Variants in SRPK2 observed in about 807,000 individuals in gnomAD.
SRPK2 encodes the protein SRSF protein kinase 2.
A neutral mutation model predicts 90.8 loss-of-function variants in SRPK2; 21 were observed. That is an observed-to-expected ratio of 0.23 (90% CI 0.16 to 0.33). The LOEUF is 0.33. SRPK2 is among the 10% of genes least tolerant of loss of function. SRPK2 has a pLI of 1.00. For synonymous variants in SRPK2, 288 were observed against 311.1 expected (o/e 0.93, Z 0.78); for missense variants, 620 against 869.0 (o/e 0.71, Z 3.60).
intron 2 of SRPK2, among the ~76,000 whole-genome samples, chr7:105,270,327 G>A (rs1175141642): frequency 6.6e-6 from 1 of 151,986 alleles, no homozygotes; most frequent in Non-Finnish European, 1.5e-5. Context: ...TGAGCCCTCA[G>A]CAGGGCCCCT....
intron 2 of SRPK2, among the ~76,000 whole-genome samples, chr7:105,311,876 G>C (rs534643318): frequency 6.6e-6 from 1 of 152,210 alleles, no homozygotes; most frequent in East Asian, 1.9e-4. Flanking sequence ...ATATTCAAAA[G>C]AAAGAAAACA....
At chr7:105,247,596 A>C (rs1443592257) in intron 2 of SRPK2, among the ~76,000 whole-genome samples, 1 of 150,924 alleles carries the variant, frequency 6.6e-6, no homozygotes, top group Admixed American at 6.6e-5. Context: ...TTAATTGTTC[A>C]AAGTTTTTAA....
chr7:105,357,261 G>A (rs1329828327), intron 2 of SRPK2, among the ~76,000 whole-genome samples: 2 of 151,894 alleles, frequency 1.3e-5, no homozygotes, highest in Admixed American at 6.6e-5. Context: ...GGATGGTCTC[G>A]ATCTCCTGAC....
intron 2 of SRPK2, among the ~76,000 whole-genome samples, chr7:105,315,538 G>A (rs539751618): frequency 1.3e-5 from 2 of 152,162 alleles, no homozygotes; most frequent in African/African-American, 2.4e-5. Flanking sequence ...AGGACTTGCT[G>A]CCAGGCAAAC....
intron 15 of SRPK2, among the ~76,000 whole-genome samples, chr7:105,122,755 T>G (rs953444746): frequency 4.6e-5 from 7 of 152,092 alleles, no homozygotes; most frequent in African/African-American, 1.7e-4. Context: ...CTTCTTGCTT[T>G]TGAAATTTTC....
chr7:105,279,716 T>C (rs901066153), intron 2 of SRPK2, among the ~76,000 whole-genome samples: 1 of 152,256 alleles, frequency 6.6e-6, no homozygotes, highest in African/African-American at 2.4e-5. Context: ...CAATGAAATG[T>C]GGTGAAACCA....
At chr7:105,294,438 A>G (rs901465107) in intron 2 of SRPK2, among the ~76,000 whole-genome samples, 6 of 152,184 alleles carry the variant, frequency 3.9e-5, no homozygotes, top group Non-Finnish European at 7.3e-5. Flanking sequence ...GTTCCTTTAA[A>G]GGCTACCATC....
chr7:105,296,356 C>T (rs374524539), intron 2 of SRPK2, among the ~76,000 whole-genome samples: 1 of 152,238 alleles, frequency 6.6e-6, no homozygotes, highest in African/African-American at 2.4e-5. Flanking sequence ...CCTTCCTAGC[C>T]TCCTAACTTA....
chr7:105,364,290 T>C (rs1818764551), intron 2 of SRPK2, among the ~76,000 whole-genome samples: 1 of 152,160 alleles, frequency 6.6e-6, no homozygotes, highest in Non-Finnish European at 1.5e-5. Context: ...TTCATTGCTT[T>C]TTCTGTAACA....
intron 15 of SRPK2, among the ~76,000 whole-genome samples, chr7:105,124,726 A>G (rs975827313): frequency 1.3e-5 from 2 of 151,600 alleles, no homozygotes; most frequent in Non-Finnish European, 2.9e-5. Flanking sequence ...AGAAATTTCT[A>G]AAAGTCCATG....
chr7:105,283,054 A>G (rs1178018379), intron 2 of SRPK2, among the ~76,000 whole-genome samples: 2 of 152,228 alleles, frequency 1.3e-5, no homozygotes, highest in African/African-American at 2.4e-5. Flanking sequence ...GCTCCACATC[A>G]TTTGTCATCA....
rs377163514 is a variant in SRPK2 at position 105,146,732 on chromosome 7, CAT to C, written c.622-76_622-75del. ...ATATAACTTTTATTTATTTGAAAAA[CAT>C]GTAATACAATGCCAGGGTACAAAGT... On this transcript the variant is annotated intron_variant, in intron 7 of 15. Transcript: ENST00000393651. 7 of 1,447,876 alleles carry C rather than the reference CAT, an allele frequency of 4.8e-6. No individual in the cohort carries two copies. The African/African-American group carries it at 7.2e-5, about 15-fold the overall frequency. The allele number at this position is 1,447,876 out of a possible 1,614,324, so 89.7% of individuals were successfully genotyped here.
chr7:105,241,330 G>A (rs1351601998), intron 2 of SRPK2, among the ~76,000 whole-genome samples: 2 of 151,872 alleles, frequency 1.3e-5, no homozygotes, highest in African/African-American at 4.8e-5. Context: ...AGAGAAACTG[G>A]ACTCCGGAGA....
intron 2 of SRPK2, chr7:105,297,509 A>G: frequency 1.0e-6 from 1 of 985,326 alleles, no homozygotes; most frequent in Non-Finnish European, 1.2e-6. Context: ...AACATCCTAC[A>G]GCCCATCGCC....
chr7:105,359,824 C>T lies in SRPK2; in HGVS notation c.71+28824G>A, dbSNP rs188191940. 2.4e-3 allele frequency among the ~76,000 whole-genome samples: 359 copies of T among 152,182 alleles called. 5 individuals are homozygous for T. The South Asian group carries it at 0.026, about 11-fold the overall frequency. ...CTTGTGATCAATTTTAGAATAAGTG[C>T]GATGTGGTGCTGAGAAGAATGTATA... On this transcript the variant is annotated intron_variant, in intron 2 of 15. Coordinates refer to ENST00000393651, the MANE Select transcript of SRPK2 (RefSeq NM_182692.3).
intron 2 of SRPK2, among the ~76,000 whole-genome samples, chr7:105,332,395 C>T (rs959849175): frequency 6.6e-6 from 1 of 152,146 alleles, no homozygotes; most frequent in Non-Finnish European, 1.5e-5. Flanking sequence ...AAAAAAATTA[C>T]TCTTCCTAAC....
chr7:105,153,864 G>A (rs1052599437), intron 7 of SRPK2, among the ~76,000 whole-genome samples: 3 of 152,116 alleles, frequency 2.0e-5, no homozygotes, highest in African/African-American at 4.8e-5. Flanking sequence ...GTGGGCGTGC[G>A]GGACACCAGA....
intron 2 of SRPK2, among the ~76,000 whole-genome samples, chr7:105,354,679 G>A (rs1411431641): frequency 1.3e-5 from 2 of 152,174 alleles, no homozygotes; most frequent in Non-Finnish European, 2.9e-5. Flanking sequence ...GCTGGGAACA[G>A]ACATTGCTAC....
intron 3 of SRPK2, among the ~76,000 whole-genome samples, chr7:105,174,047 C>T (rs1277858781): frequency 1.3e-5 from 2 of 148,744 alleles, no homozygotes; most frequent in Non-Finnish European, 3.0e-5. Flanking sequence ...GAGTTCGACA[C>T]CAGCCTGGGC....
Sources: allele counts gnomAD v4.1 joint callset (sites outside exome capture counted in the v4.1 genomes callset), GRCh38; gene constraint gnomAD v4.1.1; transcripts MANE v1.5; gene names NCBI Gene and HGNC (gene_info 2026-07-23, HGNC 2026-07-21).